AGK: variants seen among roughly 807,000 people sequenced by gnomAD.
AGK encodes the protein acylglycerol kinase, mitochondrial.
In AGK, 52 loss-of-function variants were observed where a neutral mutation model predicts 66.4. The ratio of observed to expected loss-of-function variants is 0.78; its 90% CI spans 0.63 to 0.99. The LOEUF is 0.99. AGK is among the 50% of genes least tolerant of loss of function. AGK has a pLI of 0.00. For missense variants in AGK, 451 were observed against 506.6 expected (o/e 0.89, Z 1.05); for synonymous variants, 182 against 181.1 (o/e 1.00, Z -0.04).
At chr7:141,603,050 A>G (rs879082344) in intron 5 of AGK, among the ~76,000 whole-genome samples, 1 of 152,164 alleles carries the variant, frequency 6.6e-6, no homozygotes, top group Non-Finnish European at 1.5e-5. Context: ...TTTATGGTCT[A>G]ACATGTGCTC....
chr7:141,572,081 C>G (rs1795618942), intron 2 of AGK, among the ~76,000 whole-genome samples: 1 of 152,106 alleles, frequency 6.6e-6, no homozygotes, highest in South Asian at 2.1e-4. Flanking sequence ...TGTAAAGTTG[C>G]ATGTTTTCAG....
At chr7:141,624,623 A>G (rs546377708) in intron 9 of AGK, among the ~76,000 whole-genome samples, 4 of 152,220 alleles carry the variant, frequency 2.6e-5, no homozygotes, top group Non-Finnish European at 2.9e-5. Flanking sequence ...TTAGAAGTGG[A>G]ACCTGAAGAT....
intron 13 of AGK, among the ~76,000 whole-genome samples, chr7:141,647,830 C>G (rs1354106114): frequency 2.0e-5 from 3 of 152,148 alleles, no homozygotes; most frequent in Non-Finnish European, 4.4e-5. Context: ...GCCACCACAC[C>G]CGGCTAGTAT....
At chr7:141,606,219 C>T (rs755300918) in intron 5 of AGK, among the ~76,000 whole-genome samples, 38 of 152,142 alleles carry the variant, frequency 2.5e-4, no homozygotes, top group Non-Finnish European at 3.4e-4. Flanking sequence ...ATCTTTCTTC[C>T]GCAAAATAGT....
chr7:141,595,277 A>G (rs1796205105), intron 3 of AGK, among the ~76,000 whole-genome samples: 1 of 152,214 alleles, frequency 6.6e-6, no homozygotes, highest in African/African-American at 2.4e-5. Flanking sequence ...GAGAATGGTT[A>G]GTGATATCAT....
intron 9 of AGK, among the ~76,000 whole-genome samples, chr7:141,631,414 G>A (rs1797053485): frequency 6.6e-6 from 1 of 152,156 alleles, no homozygotes. Context: ...TTATAGATCT[G>A]TAGTGGTCAG....
At chr7:141,643,330 C>T (rs529000476) in intron 13 of AGK, among the ~76,000 whole-genome samples, 108 of 152,134 alleles carry the variant, frequency 7.1e-4, no homozygotes, top group African/African-American at 2.5e-3. Context: ...GTGTATGTAT[C>T]CCGGAACTTA....
intron 2 of AGK, among the ~76,000 whole-genome samples, chr7:141,566,704 G>A (rs1008622863): frequency 6.6e-6 from 1 of 152,136 alleles, no homozygotes; most frequent in Non-Finnish European, 1.5e-5. Flanking sequence ...TGTCTCAGTG[G>A]CTGAAGCTGC....
chr7:141,647,704 CTT>C (rs1030825414), intron 13 of AGK, among the ~76,000 whole-genome samples: 21 of 152,198 alleles, frequency 1.4e-4, no homozygotes, highest in Admixed American at 9.2e-4. Flanking sequence ...GAGTTTGACT[CTT>C]GTCACCCAGG....
At chr7:141,596,668 A>C (rs762315384) in intron 4 of AGK, 27 bp downstream of exon 4, 10 of 1,600,928 alleles carry the variant, frequency 6.2e-6, no homozygotes, top group Non-Finnish European at 7.7e-6. Context: ...CTTGTTATAT[A>C]CTTGCTTTTT....
chr7:141,605,305 C>A (rs1377184270), intron 5 of AGK, among the ~76,000 whole-genome samples: 5 of 152,098 alleles, frequency 3.3e-5, no homozygotes, highest in African/African-American at 1.2e-4. Flanking sequence ...AGTGAGTCAA[C>A]CCCGCTTTTA....
At chr7:141,630,938 G>T (rs190701264) in intron 9 of AGK, among the ~76,000 whole-genome samples, 35 of 152,302 alleles carry the variant, frequency 2.3e-4, no homozygotes, top group African/African-American at 7.5e-4. Flanking sequence ...GAGTATGTTA[G>T]TGTGTTCACC....
In AGK at chr7:141,555,175, A is replaced by G. The variant is rs1795182127; in HGVS notation, c.-14-278A>G. 6.6e-6 allele frequency among the ~76,000 whole-genome samples: 1 copy of G among 152,170 alleles called. No homozygotes were observed. The highest frequency in any genetic ancestry group is 1.5e-5 in the Non-Finnish European group (1 of 68,032). ...CTCTTCCTTCTATTGCAATGAAGAA[A>G]TAGTGATCAGAGAGGGAAGAAGTAT... On this transcript the variant is annotated intron_variant, in intron 1 of 15. Transcript: ENST00000649286. This position sits in a 1 kb window ranked among gnomAD's most constrained non-coding sequence, Gnocchi z 4.2.
chr7:141,594,873 G>A (rs933778744), intron 3 of AGK, among the ~76,000 whole-genome samples: 2 of 151,144 alleles, frequency 1.3e-5, no homozygotes, highest in South Asian at 2.1e-4. Context: ...GGCTGGTCTC[G>A]AACTCCTGAC....
intron 1 of AGK, among the ~76,000 whole-genome samples, chr7:141,554,592 A>G (rs1795167868): frequency 6.6e-6 from 1 of 152,190 alleles, no homozygotes; most frequent in Non-Finnish European, 1.5e-5. Flanking sequence ...ATCTTACTTT[A>G]GGCATGGGAT....
chr7:141,637,992 T>C (rs1005527123), intron 11 of AGK, among the ~76,000 whole-genome samples: 5 of 152,162 alleles, frequency 3.3e-5, no homozygotes, highest in Non-Finnish European at 5.9e-5. Flanking sequence ...TCGAGTTTCA[T>C]TGGTGGAGTT....
chr7:141,607,336 T>G (rs1369297562), intron 5 of AGK, among the ~76,000 whole-genome samples: 1 of 152,220 alleles, frequency 6.6e-6, no homozygotes, highest in African/African-American at 2.4e-5. Context: ...GTTTTGGATT[T>G]TAGCCACTGA....
At position 141,580,005 on chromosome 7, in the gene AGK, G is replaced by A. The variant is rs145845470; in HGVS notation, c.102-13141G>A. 1.5e-3 allele frequency among the ~76,000 whole-genome samples: 235 copies of A among 152,048 alleles called. 2 individuals carry two copies. The highest frequency in any genetic ancestry group is 5.5e-3 in the African/African-American group (226 of 41,364). On this transcript the variant is annotated intron_variant, in intron 2 of 15. Transcript: ENST00000649286. ...GTTGCCCTAAGCAATGGGATCTGAC[G>A]CCTTTTGACAGCCCTTGCAGTGAAT...
intron 6 of AGK, among the ~76,000 whole-genome samples, chr7:141,613,908 T>G (rs912557425): frequency 7.2e-5 from 11 of 152,318 alleles, no homozygotes; most frequent in African/African-American, 2.6e-4. Flanking sequence ...CTTGGAGTTT[T>G]TATAATTATT....
Sources: allele counts gnomAD v4.1 joint callset (sites outside exome capture counted in the v4.1 genomes callset), GRCh38; gene constraint gnomAD v4.1.1; non-coding constraint Gnocchi (gnomAD v3.1); transcripts MANE v1.5; gene names NCBI Gene and HGNC (gene_info 2026-07-23, HGNC 2026-07-21).